The following NEB variants were observed in gnomAD, a reference collection of about 807,000 sequenced individuals.
NEB encodes nebulin, also known as nemaline myopathy type 2.
Under a neutral mutation model 952.2 loss-of-function variants are expected in NEB, and 512 were observed. That is an observed-to-expected ratio of 0.54 (90% CI 0.50 to 0.58). The LOEUF (loss-of-function observed/expected upper bound fraction) is 0.58, where lower values mean the gene tolerates loss of function less well. Among genes scored for constraint, NEB ranks in the 20% least tolerant of loss-of-function variants. NEB has a pLI of 0.00. For synonymous variants in NEB, 2,900 were observed against 3,149.8 expected, an observed-to-expected ratio of 0.92 and a Z score of 2.66; for missense variants, 8,428 against 9,231.1, an observed-to-expected ratio of 0.91 and a Z score of 3.56.
intron 12 of NEB, among the ~76,000 whole-genome samples, chr2:151,708,941 G>A (rs190336699): frequency 4.6e-5 from 7 of 152,266 alleles, no homozygotes; most frequent in South Asian, 2.1e-4. Context: ...CCAAAACACC[G>A]TCTTACACGT....
intron 9 of NEB, among the ~76,000 whole-genome samples, chr2:151,718,903 A>G (rs4664498): frequency 0.82 from 125,090 of 152,124 alleles, 52,555 homozygotes; most frequent in Non-Finnish European, 0.91. Context: ...ACAATGCAGA[A>G]CTATTCATAG....
intron 38 of NEB, among the ~76,000 whole-genome samples, 174 bp downstream of exon 38, chr2:151,670,849 C>T (rs1027184555): frequency 2.6e-5 from 4 of 152,186 alleles, no homozygotes; most frequent in African/African-American, 9.6e-5. Context: ...CCCTGTTTTT[C>T]CCATGTTCAA....
In NEB at chr2:151,630,820, C is replaced by T. The variant is rs1390379576; in HGVS notation, c.9619-1G>A. 6.4e-7 allele frequency: 1 copy of T among 1,574,024 alleles called. No individual in the cohort carries two copies. ...TGTCCCAGGCCTCTGTGTATAAACGCTATAAAAGAAGATAAGATGCTGATT... is the reference window on the plus strand; with the variant it reads ...TGTCCCAGGCCTCTGTGTATAAACGTTATAAAAGAAGATAAGATGCTGATT... On this transcript the variant is annotated splice_acceptor_variant, in intron 66 of 181. Transcript: ENST00000397345. LOFTEE classifies it high-confidence loss of function.
intron 134 of NEB, 137 bp from the exon 135 acceptor site, chr2:151,546,135 G>A: frequency 1.4e-6 from 1 of 728,936 alleles, no homozygotes; most frequent in Non-Finnish European, 2.2e-6. Flanking sequence ...CCAGGCAGGA[G>A]CAAAAACAAT....
rs1443692678 is a variant in NEB at position 151,650,256 on chromosome 2, G to A, written c.7351C>T (p.Pro2451Ser). Residue 2451 changes from proline to serine, a missense_variant, in exon 54 of 182, where the codon CCA (proline) becomes TCA (serine). By Grantham distance (74) the Pro-to-Ser change is moderately conservative. Coordinates refer to ENST00000397345, the MANE Select transcript of NEB (RefSeq NM_001164508.2). ...ATGCTGGTGAACTTGTTTCTGTCTG[G>A]AGGCTGACGATATTTCTTCTCACTG... Reference protein sequence around the residue: ...IISEKKYRQPPDRNKFTSIPD... With the variant: ...IISEKKYRQPSDRNKFTSIPD... 5.6e-6 allele frequency: 9 copies of A among 1,613,870 alleles called. No individual in the cohort carries two copies. The highest frequency in any genetic ancestry group is 7.6e-6 in the Non-Finnish European group (9 of 1,179,854).
chr2:151,523,453 C>A (rs896715066), intron 153 of NEB, among the ~76,000 whole-genome samples: 1 of 152,172 alleles, frequency 6.6e-6, no homozygotes, highest in African/African-American at 2.4e-5. Flanking sequence ...TATCCCAAAC[C>A]TATTTCTTCA....
intron 10 of NEB, among the ~76,000 whole-genome samples, chr2:151,716,937 C>G (rs925968912): frequency 3.3e-5 from 5 of 152,242 alleles, no homozygotes; most frequent in Admixed American, 3.3e-4. Context: ...TATAGGTAGA[C>G]TAAGCTGTTT....
At chr2:151,578,903 A>G (rs1314367338) in intron 105 of NEB, among the ~76,000 whole-genome samples, 5 of 151,614 alleles carry the variant, frequency 3.3e-5, no homozygotes, top group African/African-American at 1.2e-4. Context: ...CCAAGATGGC[A>G]AAGACCTGTC....
Position 151,706,747 on chromosome 2 carries a change from T to C in NEB, c.1152+134A>G. 7.5e-6 allele frequency: 5 copies of C among 665,696 alleles called. No homozygotes were observed. In the South Asian group the frequency reaches 8.9e-5, roughly 12 times the overall value. 41.2% of individuals were successfully genotyped at this position (665,696 alleles called of 1,614,324 possible). On this transcript the variant is annotated intron_variant, in intron 13 of 181. Coordinates refer to ENST00000397345, the MANE Select transcript of NEB (RefSeq NM_001164508.2). ...GGACTCATGCCTTTCTGTGGTTACA[T>C]AGTTCCAATGAACCTACCACTCCAT...
chr2:151,519,004 G>T lies in NEB; in HGVS notation c.22656C>A (p.Ile7552=). 6.2e-7 allele frequency: 1 copy of T among 1,613,640 alleles called. No individual in the cohort carries two copies. Among genetic ancestry groups the T allele is most frequent in the Non-Finnish European group, 8.5e-7 (1 of 1,179,630 alleles). ...GGCTTGTATTCAGGACATGATTCAT[G>T]ATCAGAGACTCCTTCATGTCAGTCA... The part of the protein sequence containing the change: ...KPVTDMKESL[I]MNHVLNTSQL... The change falls in exon 155 of 182, where the codon ATC becomes ATA. Residue 7552 remains isoleucine (I), a synonymous_variant. Transcript: ENST00000397345.
At chr2:151,547,083 A>G (rs2094809234) in intron 133 of NEB, among the ~76,000 whole-genome samples, 1 of 152,198 alleles carries the variant, frequency 6.6e-6, no homozygotes, top group Non-Finnish European at 1.5e-5. Context: ...AGGTCAGAGT[A>G]GGGATGAGTG....
At chr2:151,634,040 CT>C in intron 64 of NEB, 75 bp from the exon 65 acceptor site, 1 of 1,477,434 alleles carries the variant, frequency 6.8e-7, no homozygotes, top group Non-Finnish European at 9.2e-7. Context: ...AATCAACTTG[CT>C]TACATCATAC....
chr2:151,524,353 T>G lies in NEB; in HGVS notation c.22437A>C (p.Pro7479=), dbSNP rs1235998007. Residue 7479 remains proline (P), a synonymous_variant, in exon 153 of 182, where the codon CCA becomes CCC. Coordinates refer to ENST00000397345, the MANE Select transcript of NEB (RefSeq NM_001164508.2). ...CTGCCTTCTTGGCCATTTCTATGTC[T>G]GGGCGACCGAGCATGCTTAAGCCAT... ...GSHGLSMLGR[P]DIEMAKKAAK... The G allele has an allele frequency of 1.2e-6, 2 of 1,613,846 alleles. No homozygotes were observed. The highest frequency in any genetic ancestry group is 1.7e-6 in the Non-Finnish European group (2 of 1,179,882).
intron 13 of NEB, among the ~76,000 whole-genome samples, chr2:151,698,014 C>T (rs1042464966): frequency 1.3e-5 from 2 of 152,036 alleles, no homozygotes; most frequent in African/African-American, 2.4e-5. Flanking sequence ...TGCAGTGAGC[C>T]GAGATGGCGC....
In NEB at chr2:151,650,095, A is replaced by G; in HGVS notation, c.7431+81T>C. ...GTATGAGGCAATGCTTTGTGGTTCT[A>G]CTCATTTATTAAGCAAGTGCTATTG... On this transcript the variant is annotated intron_variant, in intron 54 of 181. Transcript: ENST00000397345. 10 of 1,298,558 alleles carry G rather than the reference A, an allele frequency of 7.7e-6. No homozygotes were observed. The South Asian group carries it at 1.2e-4, about 16-fold the overall frequency. The allele number at this position is 1,298,558 out of a possible 1,614,324, so 80.4% of individuals were successfully genotyped here. A position where few individuals can be genotyped will look rare whatever the true frequency, so the allele number is the denominator to read the frequency against.
chr2:151,694,018 C>T (rs2099577546), intron 20 of NEB, among the ~76,000 whole-genome samples: 2 of 152,056 alleles, frequency 1.3e-5, no homozygotes, highest in African/African-American at 2.4e-5. Flanking sequence ...TGTACCTATA[C>T]TTATGTATAT....
intron 65 of NEB, 123 bp from the exon 66 acceptor site, chr2:151,631,469 A>G (rs2098666086): frequency 9.4e-7 from 1 of 1,066,242 alleles, no homozygotes; most frequent in South Asian, 1.8e-5. Flanking sequence ...AGCGCGTTGT[A>G]TAAGGCAAAC....
At chr2:151,512,198 T>G (rs1218826992) in intron 161 of NEB, among the ~76,000 whole-genome samples, 5 of 151,754 alleles carry the variant, frequency 3.3e-5, no homozygotes, top group African/African-American at 7.3e-5. Context: ...GCCCGGCTAA[T>G]TTTTGTGTAT....
At chr2:151,497,122 A>AAGAC in intron 171 of NEB, 89 bp from the exon 172 acceptor site, 1 of 1,440,502 alleles carries the variant, frequency 6.9e-7, no homozygotes, top group Non-Finnish European at 9.5e-7. Flanking sequence ...CTTCCTTGTT[A>AAGAC]AGACAAAACA....
Sources: gnomAD v4.1 joint callset for allele counts (sites outside exome capture counted in the v4.1 genomes callset) on GRCh38, gnomAD v4.1.1 for gene constraint, MANE v1.5 for transcripts, NCBI Gene and HGNC (gene_info 2026-07-23, HGNC 2026-07-21) for gene names.